COL5A1: variants seen among roughly 807,000 people sequenced by gnomAD.
The protein encoded by COL5A1 is collagen type V alpha 1 chain.
COL5A1 carries 16 observed loss-of-function variants against 263.7 expected under a neutral mutation model. The observed-to-expected ratio is 0.06, with a 90% confidence interval of 0.04 to 0.09. The LOEUF (loss-of-function observed/expected upper bound fraction) is 0.09. Among genes scored for constraint, COL5A1 ranks in the 10% least tolerant of loss-of-function variants. The probability of loss-of-function intolerance (pLI) is 1.00; values close to 1 mark genes in which losing one functional copy is unlikely to be tolerated. For synonymous variants in COL5A1, 1,012 were observed against 1,004.5 expected (o/e 1.01, Z -0.14); for missense variants, 2,036 against 2,540.5 (o/e 0.80, Z 4.27).
In COL5A1 at chr9:134,824,812, C is replaced by T. The variant is rs778483767; in HGVS notation, c.4911C>T (p.Arg1637=). The change falls in exon 62 of 66, where the codon CGC becomes CGT. Residue 1637 remains arginine (R), a synonymous_variant. Coordinates refer to ENST00000371817, the MANE Select transcript of COL5A1 (RefSeq NM_000093.5). The part of the protein sequence containing the change: ...RPLGTQQNPA[R]TCKDLQLCHP... ...TGGGCACGCAGCAGAACCCCGCCCG[C>T]ACCTGCAAGGACCTGCAGCTCTGCC... The T allele has an allele frequency of 3.7e-6, 6 of 1,613,986 alleles. No homozygotes were observed. The African/African-American group carries it at 4.0e-5, about 11-fold the overall frequency.
At chr9:134,793,540 C>T (rs932159069) in intron 32 of COL5A1, among the ~76,000 whole-genome samples, 1 of 152,182 alleles carries the variant, frequency 6.6e-6, no homozygotes, top group African/African-American at 2.4e-5. Context: ...AGGGCCCCAG[C>T]GCCTGTGCCT....
In COL5A1 at chr9:134,789,090, C is replaced by T. The variant is rs1033812769; in HGVS notation, c.2647-65C>T. 2.2e-5 allele frequency: 31 copies of T among 1,435,476 alleles called. No individual in the cohort carries two copies. The highest frequency in any genetic ancestry group is 2.8e-5 in the African/African-American group (2 of 71,358). 88.9% of individuals were successfully genotyped at this position (1,435,476 alleles called of 1,614,324 possible). A position where few individuals can be genotyped will look rare whatever the true frequency, so the allele number is the denominator to read the frequency against. On this transcript the variant is annotated intron_variant, in intron 31 of 65. Transcript: ENST00000371817. The surrounding 1 kb of genome is among the most constrained non-coding windows in gnomAD (Gnocchi z 4.8). ...ACTGGCATGCAGGTGGTCCCCCAGG[C>T]GGCCCATGCAGCATGACTCATTCCT...
intron 4 of COL5A1, among the ~76,000 whole-genome samples, chr9:134,721,440 T>C (rs929910282): frequency 6.6e-6 from 1 of 152,014 alleles, no homozygotes; most frequent in Non-Finnish European, 1.5e-5. Flanking sequence ...TTGGATCCCA[T>C]CACTATCTCG....
rs888269075 is a variant in COL5A1 at position 134,802,070 on chromosome 9, G to T, written c.3006+63G>T. ...GTGTCACTTGCCCACAGGGAAGAGG[G>T]TCCCAGCCCGGGCATCTGTTCCCTC... On this transcript the variant is annotated intron_variant, in intron 38 of 65. Coordinates refer to ENST00000371817, the MANE Select transcript of COL5A1 (RefSeq NM_000093.5). 22 of 1,512,078 alleles carry T rather than the reference G, an allele frequency of 1.5e-5. No homozygotes were observed. The African/African-American group carries it at 2.7e-4, about 19-fold the overall frequency. 93.7% of individuals were successfully genotyped at this position (1,512,078 alleles called of 1,614,324 possible).
chr9:134,811,639 C>T (rs1008204419), intron 46 of COL5A1, 40 bp downstream of exon 46: 13 of 1,439,602 alleles, frequency 9.0e-6, no homozygotes, highest in Non-Finnish European at 1.1e-5. Context: ...TCCTCCGCTT[C>T]TGACGCCCCC....
At position 134,818,706 on chromosome 9, in the gene COL5A1, C is replaced by G; in HGVS notation, c.4281C>G (p.Pro1427=). 1 of 1,610,866 alleles carries G rather than the reference C, an allele frequency of 6.2e-7. No individual in the cohort carries two copies. Among genetic ancestry groups the G allele is most frequent in the Non-Finnish European group, 8.5e-7 (1 of 1,179,058 alleles). ...GPPGKTGPIG[P]QGAPGKPGPD... ...CTGGGAAGACTGGCCCCATCGGCCCCCAGGGGGCCCCTGGGAAGCCCGGAC... is the reference window on the plus strand; with the variant it reads ...CTGGGAAGACTGGCCCCATCGGCCCGCAGGGGGCCCCTGGGAAGCCCGGAC... Residue 1427 remains proline, a synonymous_variant, in exon 55 of 66, where the codon CCC becomes CCG. Coordinates refer to ENST00000371817, the MANE Select transcript of COL5A1 (RefSeq NM_000093.5). This position sits in a 1 kb window ranked among gnomAD's most constrained non-coding sequence, Gnocchi z 6.0.
intron 48 of COL5A1, 32 bp from the exon 49 acceptor site, chr9:134,813,951 C>A: frequency 6.5e-7 from 1 of 1,550,076 alleles, no homozygotes; most frequent in Non-Finnish European, 8.7e-7. Context: ...CGGTGCTCAC[C>A]GCTGCCATAA....
At chr9:134,803,799 C>T (rs1039403018) in intron 39 of COL5A1, among the ~76,000 whole-genome samples, 3 of 151,478 alleles carry the variant, frequency 2.0e-5, no homozygotes, top group Admixed American at 1.3e-4. Context: ...GCCGAGATCG[C>T]GCCACTGCAC....
intron 1 of COL5A1, among the ~76,000 whole-genome samples, chr9:134,671,998 T>A (rs1832552952): frequency 1.3e-5 from 2 of 152,224 alleles, no homozygotes; most frequent in Admixed American, 6.5e-5. Context: ...GGGGCCCACT[T>A]CAAATGTCAC....
intron 4 of COL5A1, among the ~76,000 whole-genome samples, chr9:134,718,540 C>T (rs1834348749): frequency 6.6e-6 from 1 of 152,222 alleles, no homozygotes; most frequent in Admixed American, 6.5e-5. Context: ...GCCCGGGAAG[C>T]CAAGACGTGG....
At chr9:134,714,087 T>A (rs1327251901) in intron 4 of COL5A1, among the ~76,000 whole-genome samples, 1 of 152,156 alleles carries the variant, frequency 6.6e-6, no homozygotes, top group Non-Finnish European at 1.5e-5. Flanking sequence ...AGACCCAGAT[T>A]TTTTTCATCT....
chr9:134,802,896 G>A lies in COL5A1; in HGVS notation c.3015G>A (p.Thr1005=), dbSNP rs751265351. 1.1e-5 allele frequency: 18 copies of A among 1,611,942 alleles called. No individual in the cohort carries two copies. Among genetic ancestry groups the A allele is most frequent in the African/African-American group, 2.7e-5 (2 of 75,028 alleles). The change falls in exon 39 of 66, where the codon ACG becomes ACA. Residue 1005 remains threonine, a synonymous_variant. Coordinates refer to ENST00000371817, the MANE Select transcript of COL5A1 (RefSeq NM_000093.5). ...ACTGATTTTCCCCACAGGGTCCCAC[G>A]GGAGAAACGGGCCCAATGGGTGAGC... ...PPGVVGPQGP[T]GETGPMGERG...
chr9:134,801,289 C>T (rs1231349032), intron 37 of COL5A1, among the ~76,000 whole-genome samples: 1 of 152,262 alleles, frequency 6.6e-6, no homozygotes, highest in Non-Finnish European at 1.5e-5. Flanking sequence ...ACCCGTCGTG[C>T]ATCAGAGGCG....
chr9:134,783,884 A>AT (rs1837355702), intron 29 of COL5A1, among the ~76,000 whole-genome samples: 1 of 152,168 alleles, frequency 6.6e-6, no homozygotes, highest in Non-Finnish European at 1.5e-5. Context: ...TCTCGGTTTG[A>AT]TGGTGAAAGT....
rs994618754 is a variant in COL5A1, at chr9:134,841,232, C to G, written c.5371-925C>G. On this transcript the variant is annotated intron_variant, in intron 65 of 65. Transcript: ENST00000371817. This position sits in a 1 kb window ranked among gnomAD's most constrained non-coding sequence, Gnocchi z 4.8. ...TAGCAAAAGCCATCTGCCCAGGATG[C>G]GTTTGCAGGCTCCTGGTTTGCGGGA... Among the ~76,000 whole-genome samples the G allele has an allele frequency of 6.6e-6, 1 of 152,224 alleles. No homozygotes were observed. The highest frequency in any genetic ancestry group is 2.1e-4 in the South Asian group (1 of 4,830).
rs1831725173 is a variant in COL5A1, at chr9:134,652,450, C to G, written c.109+10154C>G. On this transcript the variant is annotated intron_variant, in intron 1 of 65. Transcript: ENST00000371817. This position sits in a 1 kb window ranked among gnomAD's most constrained non-coding sequence, Gnocchi z 4.4. ...TCCTGCCAGGGATGCCAGTGTCATC[C>G]TCCTGCCCCTGAAACAGGTGGACAT... Among the ~76,000 whole-genome samples, 1 of 152,158 alleles carries G rather than the reference C, an allele frequency of 6.6e-6. No homozygotes were observed.
intron 19 of COL5A1, 87 bp downstream of exon 19, chr9:134,762,065 G>A: frequency 1.4e-6 from 2 of 1,420,052 alleles, no homozygotes; most frequent in South Asian, 1.2e-5. Context: ...AGAGGCCCAG[G>A]TGTGGGATTG....
chr9:134,685,889 A>C (rs1227977066), intron 1 of COL5A1, among the ~76,000 whole-genome samples: 3 of 136,644 alleles, frequency 2.2e-5, no homozygotes, highest in Admixed American at 1.5e-4. Context: ...CCATCCACCC[A>C]CCCATCCAGC....
At position 134,844,401 on chromosome 9, in the gene COL5A1, A is replaced by T. The variant is rs1047223250; in HGVS notation, c.*2098A>T. The T allele has an allele frequency of 6.6e-6, 1 of 152,396 alleles. No individual in the cohort carries two copies. Among genetic ancestry groups the T allele is most frequent in the Non-Finnish European group, 1.5e-5 (1 of 68,004 alleles). 9.4% of individuals were successfully genotyped at this position (152,396 alleles called of 1,614,324 possible). ...CTGTTTTCATTTCTCATCCCATCCA[A>T]TTTGTCCTTTTCTCCTGTCATTTTC... is the stretch of plus-strand genomic sequence containing the variant. On this transcript the variant is annotated 3_prime_UTR_variant, in exon 66 of 66. Transcript: ENST00000371817.
Sources: allele counts gnomAD v4.1 joint callset (sites outside exome capture counted in the v4.1 genomes callset), GRCh38; gene constraint gnomAD v4.1.1; non-coding constraint Gnocchi (gnomAD v3.1); transcripts MANE v1.5; gene names NCBI Gene and HGNC (gene_info 2026-07-23, HGNC 2026-07-21).